The following GPR149 variants were observed in gnomAD, a reference collection of about 807,000 sequenced individuals.
GPR149 encodes the protein probable G protein-coupled receptor 149.
In GPR149, 50 loss-of-function variants were observed where a neutral mutation model predicts 50.2. The observed-to-expected ratio is 1.00, with a 90% confidence interval of 0.79 to 1.26. The LOEUF (loss-of-function observed/expected upper bound fraction) is 1.26, where lower values mean the gene tolerates loss of function less well. Among genes scored for constraint, GPR149 ranks in the 50% most tolerant of loss-of-function variants. The pLI, the probability that GPR149 is intolerant of heterozygous loss-of-function variation, is 0.00. For missense variants in GPR149, 983 were observed against 895.4 expected (o/e 1.10, Z -1.25); for synonymous variants, 405 against 358.2 (o/e 1.13, Z -1.48).
intron 3 of GPR149, among the ~76,000 whole-genome samples, chr3:154,351,040 T>G (rs1714064450): frequency 6.6e-6 from 1 of 152,146 alleles, no homozygotes; most frequent in Non-Finnish European, 1.5e-5. Flanking sequence ...TGATCCAAAG[T>G]TGGCTGAATT....
intron 3 of GPR149, among the ~76,000 whole-genome samples, chr3:154,387,803 C>T (rs1217304941): frequency 6.6e-6 from 1 of 152,062 alleles, no homozygotes; most frequent in Non-Finnish European, 1.5e-5. Context: ...AATCTACCCT[C>T]AGGAAAAACA....
intron 3 of GPR149, among the ~76,000 whole-genome samples, chr3:154,404,152 T>C (rs1305113136): frequency 6.6e-6 from 1 of 152,190 alleles, no homozygotes; most frequent in Non-Finnish European, 1.5e-5. Context: ...GTACCAACAG[T>C]TTATATACAT....
At chr3:154,348,903 T>G (rs1457209994) in intron 3 of GPR149, among the ~76,000 whole-genome samples, 3 of 152,058 alleles carry the variant, frequency 2.0e-5, no homozygotes, top group African/African-American at 7.2e-5. Flanking sequence ...CTAGGGAATT[T>G]AAAGGAAACA....
In GPR149 at chr3:154,366,283, G is replaced by A. The variant is rs143805387; in HGVS notation, c.1624-28012C>T. Among the ~76,000 whole-genome samples, 369 of 152,200 alleles carry A rather than the reference G, an allele frequency of 2.4e-3. 2 individuals carry two copies. The highest frequency in any genetic ancestry group is 8.4e-3 in the African/African-American group (350 of 41,516). ...AGATCATAAGACTGATCTCCTTGAGGCAATAAGATATCATATTAGAACCTA... is the reference window on the plus strand; with the variant it reads ...AGATCATAAGACTGATCTCCTTGAGACAATAAGATATCATATTAGAACCTA... On this transcript the variant is annotated intron_variant, in intron 3 of 3. Coordinates refer to ENST00000389740, the MANE Select transcript of GPR149 (RefSeq NM_001038705.3).
chr3:154,417,815 G>A (rs1359974526), intron 3 of GPR149, among the ~76,000 whole-genome samples: 1 of 152,028 alleles, frequency 6.6e-6, no homozygotes, highest in South Asian at 2.1e-4. Context: ...CTGAAGAAAA[G>A]GGTAAGAATT....
At chr3:154,418,943 G>A (rs184200979) in intron 3 of GPR149, among the ~76,000 whole-genome samples, 8 of 152,062 alleles carry the variant, frequency 5.3e-5, no homozygotes, top group African/African-American at 1.7e-4. Flanking sequence ...CTAAGGGAAG[G>A]TTATACAAAA....
At chr3:154,387,003 G>A (rs1042257354) in intron 3 of GPR149, among the ~76,000 whole-genome samples, 7 of 151,958 alleles carry the variant, frequency 4.6e-5, no homozygotes, top group African/African-American at 7.2e-5. Context: ...GGAAATAGCC[G>A]AGAGAATCTC....
chr3:154,354,802 C>T, intron 3 of GPR149: 2 of 653,026 alleles, frequency 3.1e-6, no homozygotes, highest in Non-Finnish European at 4.5e-6. Context: ...CCAGGCATTA[C>T]TGGCCACCAC....
At chr3:154,424,311 T>G (rs1576932526) in intron 2 of GPR149, among the ~76,000 whole-genome samples, 1 of 151,950 alleles carries the variant, frequency 6.6e-6, no homozygotes, top group African/African-American at 2.4e-5. Context: ...TAATAAATAT[T>G]TATTTATTGA....
chr3:154,346,245 G>A (rs954287811), intron 3 of GPR149, among the ~76,000 whole-genome samples: 2 of 152,024 alleles, frequency 1.3e-5, no homozygotes, highest in African/African-American at 4.8e-5. Flanking sequence ...CATTGAGAGG[G>A]AAAAAATAGC....
intron 3 of GPR149, among the ~76,000 whole-genome samples, chr3:154,369,005 T>C (rs757619657): frequency 3.9e-5 from 6 of 152,216 alleles, no homozygotes; most frequent in Non-Finnish European, 8.8e-5. Context: ...AAGGGAAGTT[T>C]CCATCCCGCT....
chr3:154,402,549 G>A (rs534178130), intron 3 of GPR149, among the ~76,000 whole-genome samples: 1 of 152,200 alleles, frequency 6.6e-6, no homozygotes, highest in African/African-American at 2.4e-5. Context: ...ATCCATGAAA[G>A]TTTCTAAGAT....
intron 3 of GPR149, among the ~76,000 whole-genome samples, chr3:154,385,575 GT>G (rs1307489298): frequency 1.3e-5 from 2 of 151,398 alleles, no homozygotes; most frequent in Non-Finnish European, 2.9e-5. Flanking sequence ...ACTCTTTTTG[GT>G]TTGTTCGTTT....
At chr3:154,388,230 T>C (rs1033377028) in intron 3 of GPR149, among the ~76,000 whole-genome samples, 1 of 152,144 alleles carries the variant, frequency 6.6e-6, no homozygotes, top group Non-Finnish European at 1.5e-5. Context: ...TTACTGTTTT[T>C]TCATCTATAA....
At chr3:154,400,313 A>G (rs917955178) in intron 3 of GPR149, among the ~76,000 whole-genome samples, 2 of 152,206 alleles carry the variant, frequency 1.3e-5, no homozygotes, top group African/African-American at 4.8e-5. Context: ...ACAAATTATC[A>G]TAATATTGAA....
chr3:154,353,421 T>TGG, intron 3 of GPR149: 1 of 1,044,648 alleles, frequency 9.6e-7, no homozygotes, highest in South Asian at 1.3e-5. Flanking sequence ...AATCACATCT[T>TGG]CAACTTGTTC....
intron 3 of GPR149, among the ~76,000 whole-genome samples, chr3:154,394,034 C>T (rs148465046): frequency 2.4e-4 from 36 of 152,040 alleles, no homozygotes; most frequent in Non-Finnish European, 4.7e-4. Flanking sequence ...AAAACCCAAT[C>T]ACATCTTTTA....
At chr3:154,353,692 G>A (rs898335293) in intron 3 of GPR149, 68 of 1,291,352 alleles carry the variant, frequency 5.3e-5, no homozygotes, top group Middle Eastern at 2.0e-4. Context: ...GCCAAAACAA[G>A]TACCTTTGTT....
At chr3:154,340,205 C>T (rs771169763) in intron 3 of GPR149, among the ~76,000 whole-genome samples, 1 of 152,152 alleles carries the variant, frequency 6.6e-6, no homozygotes, top group Non-Finnish European at 1.5e-5. Flanking sequence ...ATTCTCTTTA[C>T]TCATAAGGAG....
Sources: allele counts gnomAD v4.1 joint callset (sites outside exome capture counted in the v4.1 genomes callset), GRCh38; gene constraint gnomAD v4.1.1; transcripts MANE v1.5; gene names NCBI Gene and HGNC (gene_info 2026-07-23, HGNC 2026-07-21).